JAK1: variants seen among roughly 807,000 people sequenced by gnomAD.
JAK1 encodes the protein Janus kinase 1.
Under a neutral mutation model 136.6 loss-of-function variants are expected in JAK1, and 16 were observed. That is an observed-to-expected ratio of 0.12 (90% CI 0.08 to 0.18). JAK1 has a LOEUF of 0.18. JAK1 is among the 10% of genes least tolerant of loss of function. The pLI, the probability that JAK1 is intolerant of heterozygous loss-of-function variation, is 1.00. For missense variants in JAK1, 859 were observed against 1,450.1 expected, an observed-to-expected ratio of 0.59 and a Z score of 6.62; for synonymous variants, 492 against 519.5, an observed-to-expected ratio of 0.95 and a Z score of 0.72.
At chr1:65,052,664 C>T (rs542581868) in intron 1 of JAK1, among the ~76,000 whole-genome samples, 3 of 151,858 alleles carry the variant, frequency 2.0e-5, no homozygotes. Flanking sequence ...ATACAAAAAA[C>T]TTAGCCGGGT....
intron 22 of JAK1, among the ~76,000 whole-genome samples, chr1:64,836,833 C>T (rs1352206041): frequency 6.6e-6 from 1 of 151,316 alleles, no homozygotes; most frequent in African/African-American, 2.5e-5. Context: ...TCCAGACTCC[C>T]TGGCTCCAAT....
At chr1:65,033,452 G>T (rs560773) in intron 2 of JAK1, among the ~76,000 whole-genome samples, 8,766 of 152,076 alleles carry the variant, frequency 0.058, 576 homozygotes, top group East Asian at 0.35. Flanking sequence ...CTCTCAAGGG[G>T]CTGGAATTAC....
intron 1 of JAK1, among the ~76,000 whole-genome samples, chr1:64,955,755 G>C (rs971357622): frequency 2.0e-5 from 3 of 152,198 alleles, no homozygotes; most frequent in African/African-American, 7.2e-5. Flanking sequence ...AGATCACCCA[G>C]GTAAAGAAAG....
intron 12 of JAK1, chr1:64,848,110 C>G (rs1043178439): frequency 6.3e-6 from 1 of 158,102 alleles, no homozygotes; most frequent in Admixed American, 6.3e-5. Flanking sequence ...AATCCCAGCT[C>G]TACTACCCGC....
intron 1 of JAK1, among the ~76,000 whole-genome samples, chr1:64,938,270 T>C (rs949409170): frequency 1.3e-5 from 2 of 152,194 alleles, no homozygotes; most frequent in African/African-American, 4.8e-5. Flanking sequence ...AGAACAACTT[T>C]GATGAAACCT....
intron 1 of JAK1, among the ~76,000 whole-genome samples, chr1:64,911,996 A>C (rs894574088): frequency 6.6e-6 from 1 of 152,228 alleles, no homozygotes; most frequent in Non-Finnish European, 1.5e-5. Context: ...TCTGACCCCT[A>C]TGTCATCATC....
intron 10 of JAK1, 94 bp downstream of exon 10, chr1:64,857,562 C>T: frequency 6.6e-7 from 1 of 1,505,116 alleles, no homozygotes; most frequent in Non-Finnish European, 9.0e-7. Context: ...TTCCACCCTG[C>T]CAAGGGTGGT....
At chr1:64,869,285 A>G (rs1656920264) in intron 6 of JAK1, 26 bp downstream of exon 6, 1 of 1,606,800 alleles carries the variant, frequency 6.2e-7, no homozygotes, top group African/African-American at 1.3e-5. Flanking sequence ...CTCACAATCA[A>G]TTCTTCAGCC....
rs374473008 is a variant in JAK1 at position 64,944,605 on chromosome 1, T to C, written c.-78+21728A>G. ...ACAGAATCACGGTGAAGCCACCCAATAGAAATCTACACAAAACATGTGCAT... is the reference window on the plus strand; with the variant it reads ...ACAGAATCACGGTGAAGCCACCCAACAGAAATCTACACAAAACATGTGCAT... On this transcript the variant is annotated intron_variant, in intron 1 of 24. Coordinates refer to ENST00000342505, the MANE Select transcript of JAK1 (RefSeq NM_002227.4). Among the ~76,000 whole-genome samples, 55 of 151,234 alleles carry C rather than the reference T, an allele frequency of 3.6e-4. 5 individuals are homozygous for C. The highest frequency in any genetic ancestry group is 6.3e-4 in the African/African-American group (26 of 41,148).
At chr1:64,998,031 G>C (rs1646719736) in intron 2 of JAK1, among the ~76,000 whole-genome samples, 1 of 152,076 alleles carries the variant, frequency 6.6e-6, no homozygotes, top group African/African-American at 2.4e-5. Context: ...AGAACAAAAA[G>C]ATAGAAATTA....
At position 65,008,960 on chromosome 1, in the gene JAK1, T is replaced by A. The variant is rs370287705; in HGVS notation, c.-78+35520A>T. Among the ~76,000 whole-genome samples the A allele has an allele frequency of 1.2e-4, 18 of 152,280 alleles. 1 individual carries two copies. Among genetic ancestry groups the A allele is most frequent in the Admixed American group, 3.3e-4 (5 of 15,292 alleles). On this transcript the variant is annotated intron_variant, in intron 2 of 25. Transcript: ENST00000671954. ...CTTGGCCTCTAGAAGTGCTGGGATT[T>A]CAGGCGTGAGCCACTGCACATGGCC...
intron 1 of JAK1, among the ~76,000 whole-genome samples, chr1:64,887,897 T>C (rs1021257934): frequency 5.9e-5 from 9 of 152,174 alleles, no homozygotes; most frequent in South Asian, 4.1e-4. Context: ...CTTTTTACAC[T>C]TGGGCACCCA....
chr1:65,067,197 G>C (rs1648093326), intron 1 of JAK1, among the ~76,000 whole-genome samples: 1 of 150,474 alleles, frequency 6.6e-6, no homozygotes, highest in Non-Finnish European at 1.5e-5. Flanking sequence ...CCGAGGTGGC[G>C]AACTGCGTGC....
rs1192481398 is a variant in JAK1, at chr1:64,883,430, T to C, written c.52A>G (p.Lys18Glu). The change falls in exon 3 of 25, where the codon AAA (lysine) becomes GAA (glutamate). Residue 18 changes from lysine (K) to glutamate (E), a missense_variant. This residue lies in a region of JAK1 where 353 missense variants were observed against 494.0 expected (regional missense o/e 0.71). Transcript: ENST00000342505. ...TCAGTCTTCTTGGAGCTCCTCATTT[T>C]AGCACAGAAAGCCATGGCATTGCAG... ...EDCNAMAFCA[K>E]MRSSKKTEVN... 2 of 1,614,190 alleles carry C rather than the reference T, an allele frequency of 1.2e-6. No individual in the cohort carries two copies. Among genetic ancestry groups the C allele is most frequent in the Non-Finnish European group, 1.7e-6 (2 of 1,180,004 alleles).
chr1:64,847,772 G>A (rs1655332673), intron 12 of JAK1, 97 bp from the exon 13 acceptor site: 2 of 1,392,758 alleles, frequency 1.4e-6, no homozygotes, highest in South Asian at 2.7e-5. Flanking sequence ...ACTATCAATG[G>A]GATGGGGCAA....
intron 1 of JAK1, among the ~76,000 whole-genome samples, chr1:64,944,450 T>C (rs1645947140): frequency 6.6e-6 from 1 of 152,164 alleles, no homozygotes. Context: ...AATTCCTGTA[T>C]GTTATTATTG....
At chr1:64,911,347 A>G (rs566626986) in intron 1 of JAK1, among the ~76,000 whole-genome samples, 1 of 152,254 alleles carries the variant, frequency 6.6e-6, no homozygotes, top group East Asian at 1.9e-4. Flanking sequence ...ATCAATAATT[A>G]TACCCAACAA....
chr1:64,909,013 C>G (rs1005960552), intron 1 of JAK1, among the ~76,000 whole-genome samples: 3 of 152,188 alleles, frequency 2.0e-5, no homozygotes, highest in Non-Finnish European at 4.4e-5. Flanking sequence ...AACGAACGAA[C>G]GAGCTAATTA....
intron 1 of JAK1, among the ~76,000 whole-genome samples, chr1:65,064,517 A>G (rs1438525647): frequency 4.6e-5 from 7 of 152,236 alleles, no homozygotes; most frequent in Non-Finnish European, 1.0e-4. Context: ...CCCTTCCAAA[A>G]GACTGAGTAT....
Sources: gnomAD v4.1 joint callset for allele counts (sites outside exome capture counted in the v4.1 genomes callset) on GRCh38, gnomAD v4.1.1 for gene constraint, gnomAD v4.1.1 regional missense constraint, MANE v1.5 for transcripts, NCBI Gene and HGNC (gene_info 2026-07-23, HGNC 2026-07-21) for gene names.